The following ECE1 variants were observed in gnomAD, a reference collection of about 807,000 sequenced individuals.
ECE1 encodes endothelin converting enzyme 1, also known as endothelin-converting enzyme 1.
In ECE1, 35 loss-of-function variants were observed where a neutral mutation model predicts 98.6. The observed-to-expected ratio is 0.35, with a 90% confidence interval of 0.27 to 0.47. The LOEUF (loss-of-function observed/expected upper bound fraction) is 0.47. Ranked by LOEUF, ECE1 falls within the 20% of genes least tolerant of loss-of-function variation. ECE1 has a pLI of 1.00. For synonymous variants in ECE1, 394 were observed against 407.1 expected, an observed-to-expected ratio of 0.97 and a Z score of 0.39; for missense variants, 814 against 1,025.3, an observed-to-expected ratio of 0.79 and a Z score of 2.81.
At chr1:21,297,554 C>T (rs1157758546) in intron 1 of ECE1, among the ~76,000 whole-genome samples, 2 of 132,666 alleles carry the variant, frequency 1.5e-5, no homozygotes, top group African/African-American at 2.8e-5. Flanking sequence ...TTTTTTGAGA[C>T]AGAATCTCAC....
chr1:21,290,585 G>C (rs1045264389), upstream of ECE1: 2 of 1,195,898 alleles, frequency 1.7e-6, no homozygotes, highest in African/African-American at 3.2e-5. The surrounding 1 kb of genome is among the most constrained non-coding windows in gnomAD (Gnocchi z 7.3). Flanking sequence ...GGGAGATGGG[G>C]ACCCCTCCCT....
chr1:21,289,918 G>T (rs982820843), intron 2 of ECE1, 152 bp downstream of exon 2: 21 of 1,030,416 alleles, frequency 2.0e-5, no homozygotes, highest in Non-Finnish European at 2.3e-5. Context: ...AGCTCCAGCT[G>T]CGGGGAGGCG....
At chr1:21,257,951 C>T (rs2098222022) in intron 6 of ECE1, among the ~76,000 whole-genome samples, 1 of 152,218 alleles carries the variant, frequency 6.6e-6, no homozygotes, top group South Asian at 2.1e-4. Context: ...CTGAACCTTT[C>T]TGATTCTCAG....
chr1:21,222,256 C>T (rs775453442), intron 17 of ECE1, among the ~76,000 whole-genome samples: 13 of 152,126 alleles, frequency 8.5e-5, no homozygotes, highest in Non-Finnish European at 1.3e-4. Flanking sequence ...AAACCCAGAA[C>T]GCTTCTTCAA....
chr1:21,238,447 C>T, intron 10 of ECE1: 1 of 630,868 alleles, frequency 1.6e-6, no homozygotes, highest in Non-Finnish European at 2.9e-6. Flanking sequence ...TTCCTGAATG[C>T]CAGGCTCTGT....
At chr1:21,328,510 C>T (rs1639129537) in intron 1 of ECE1, among the ~76,000 whole-genome samples, 1 of 152,152 alleles carries the variant, frequency 6.6e-6, no homozygotes, top group Admixed American at 6.5e-5. Flanking sequence ...GCCTGTAATC[C>T]CAGCACTTTG....
rs1250478509 is a variant in ECE1, at chr1:21,307,534, T to C, written c.4-17378A>G. On this transcript the variant is annotated intron_variant, in intron 1 of 18. Transcript: ENST00000415912. This position sits in a 1 kb window ranked among gnomAD's most constrained non-coding sequence, Gnocchi z 4.2. Reference sequence around the variant, plus strand: ...CATAAAAAGCAAGTTTTAAACATGATCACTACAGTCATTGATGTGAGGACG... The same window carrying C: ...CATAAAAAGCAAGTTTTAAACATGACCACTACAGTCATTGATGTGAGGACG... 6.6e-6 allele frequency among the ~76,000 whole-genome samples: 1 copy of C among 152,156 alleles called. No homozygotes were observed. The highest frequency in any genetic ancestry group is 1.5e-5 in the Non-Finnish European group (1 of 68,024).
chr1:21,258,303 C>T lies in ECE1; in HGVS notation c.762+390G>A, dbSNP rs2098222496. The stretch of plus-strand genomic sequence containing the variant: ...TTGGGGCAGACCAGTGCTGGAGCTC[C>T]CCTGGGCAGGCTGAGCCTCTGTCTG... On this transcript the variant is annotated intron_variant, in intron 6 of 18. Transcript: ENST00000374893. The surrounding 1 kb of genome is among the most constrained non-coding windows in gnomAD (Gnocchi z 4.2). 2.0e-5 allele frequency among the ~76,000 whole-genome samples: 3 copies of T among 152,286 alleles called. No homozygotes were observed. The South Asian group carries it at 6.2e-4, about 32-fold the overall frequency.
intron 16 of ECE1, among the ~76,000 whole-genome samples, chr1:21,226,300 A>G (rs1377802202): frequency 2.6e-5 from 4 of 152,144 alleles, no homozygotes. Flanking sequence ...AACTTCCACG[A>G]GCAGGGCACC....
At chr1:21,317,422 C>T (rs1569744027) in intron 1 of ECE1, among the ~76,000 whole-genome samples, 1 of 152,220 alleles carries the variant, frequency 6.6e-6, no homozygotes, top group South Asian at 2.1e-4. Context: ...AAGGCCAGCT[C>T]GCAGGCCTCA....
At chr1:21,241,127 C>G (rs549344081) in intron 10 of ECE1, among the ~76,000 whole-genome samples, 16 of 152,334 alleles carry the variant, frequency 1.1e-4, no homozygotes, top group African/African-American at 3.1e-4. Flanking sequence ...ACTGCATATA[C>G]TGCTCACAGT....
intron 10 of ECE1, among the ~76,000 whole-genome samples, chr1:21,244,172 T>C (rs1210764641): frequency 6.6e-6 from 1 of 152,096 alleles, no homozygotes. Context: ...CAGGTGAGCT[T>C]GGCACACCAG....
Position 21,327,739 on chromosome 1 carries a change from G to A in ECE1, c.3+17637C>T, listed in dbSNP as rs1639111116. Among the ~76,000 whole-genome samples, 1 of 152,136 alleles carries A rather than the reference G, an allele frequency of 6.6e-6. No individual in the cohort carries two copies. The highest frequency in any genetic ancestry group is 6.6e-5 in the Admixed American group (1 of 15,264). ...CACAGCTGGGGTCCCCAGCCCCCCG[G>A]GCCTCAGACCAGTACCAGTCCATGG... On this transcript the variant is annotated intron_variant, in intron 1 of 18. Coordinates refer to the ECE1 transcript ENST00000415912. This position sits in a 1 kb window ranked among gnomAD's most constrained non-coding sequence, Gnocchi z 4.6.
chr1:21,290,136 G>T lies in ECE1; in HGVS notation c.72C>A (p.Ala24=). 6.4e-7 allele frequency: 1 copy of T among 1,565,796 alleles called. No homozygotes were observed. ...SALGMSTYKR[A]TLDEEDLVDS... ...CCACCAGGTCCTCCTCGTCCAGCGTGGCCCGCTTGTACGTCGACATCTGCA... is the reference window on the plus strand; with the variant it reads ...CCACCAGGTCCTCCTCGTCCAGCGTTGCCCGCTTGTACGTCGACATCTGCA... Residue 24 remains alanine (A), a synonymous_variant, in exon 2 of 19, where the codon GCC becomes GCA. Transcript: ENST00000374893. The surrounding 1 kb of genome is among the most constrained non-coding windows in gnomAD (Gnocchi z 7.3).
chr1:21,232,072 C>T (rs2098182412), intron 14 of ECE1, among the ~76,000 whole-genome samples: 1 of 152,186 alleles, frequency 6.6e-6, no homozygotes, highest in African/African-American at 2.4e-5. Flanking sequence ...AAAAGCCCAC[C>T]TTCTTGTACA....
chr1:21,249,743 C>A (rs866051707), intron 8 of ECE1, among the ~76,000 whole-genome samples: 41 of 152,194 alleles, frequency 2.7e-4, no homozygotes, highest in African/African-American at 9.6e-4. Context: ...CTACCATCAC[C>A]ACCACTATCC....
intron 14 of ECE1, among the ~76,000 whole-genome samples, chr1:21,230,326 A>G (rs544087754): frequency 3.0e-4 from 46 of 152,220 alleles, no homozygotes; most frequent in Non-Finnish European, 5.9e-4. Flanking sequence ...AGAAAAGACT[A>G]TTAAAATATC....
At chr1:21,269,798 G>C (rs533582829) in intron 4 of ECE1, among the ~76,000 whole-genome samples, 9 of 152,306 alleles carry the variant, frequency 5.9e-5, no homozygotes, top group African/African-American at 1.7e-4. Context: ...ACTTGTCCAA[G>C]GCCACACGAG....
chr1:21,243,417 C>T (rs1341009510), intron 10 of ECE1, among the ~76,000 whole-genome samples: 1 of 139,128 alleles, frequency 7.2e-6, no homozygotes, highest in Non-Finnish European at 1.6e-5. Flanking sequence ...AAAAAAAAAA[C>T]AGAGACAGGA....
Sources: gnomAD v4.1 joint callset for allele counts (sites outside exome capture counted in the v4.1 genomes callset) on GRCh38, gnomAD v4.1.1 for gene constraint, Gnocchi (gnomAD v3.1) non-coding constraint, MANE v1.5 for transcripts, NCBI Gene and HGNC (gene_info 2026-07-23, HGNC 2026-07-21) for gene names.